The following CEP43 variants were observed in gnomAD, a reference collection of about 807,000 sequenced individuals.
CEP43 encodes the protein centrosomal protein 43.
In CEP43, 36 loss-of-function variants were observed where a neutral mutation model predicts 52.6. The observed-to-expected ratio is 0.68, with a 90% CI of 0.52 to 0.90. The LOEUF (loss-of-function observed/expected upper bound fraction) is 0.90, where lower values mean the gene tolerates loss of function less well. CEP43 is among the 40% of genes least tolerant of loss of function. The probability of loss-of-function intolerance (pLI) is 0.00; values close to 1 mark genes in which losing one functional copy is unlikely to be tolerated. For synonymous variants in CEP43, 192 were observed against 172.4 expected, an observed-to-expected ratio of 1.11 and a Z score of -0.89; for missense variants, 506 against 472.8, an observed-to-expected ratio of 1.07 and a Z score of -0.65.
chr6:167,023,510 C>A (rs1780286070), intron 8 of CEP43, among the ~76,000 whole-genome samples: 1 of 152,196 alleles, frequency 6.6e-6, no homozygotes, highest in Non-Finnish European at 1.5e-5. Flanking sequence ...GCCCCTGTTG[C>A]TGTGCTAAGT....
At chr6:167,016,178 T>C (rs1264792608) in intron 7 of CEP43, among the ~76,000 whole-genome samples, 1 of 152,246 alleles carries the variant, frequency 6.6e-6, no homozygotes, top group African/African-American at 2.4e-5. Context: ...TTTTTGTTTT[T>C]AATATTTAGA....
chr6:167,009,782 G>A (rs1779945055), intron 5 of CEP43, among the ~76,000 whole-genome samples: 1 of 151,924 alleles, frequency 6.6e-6, no homozygotes, highest in South Asian at 2.1e-4. Context: ...ATTGCAGTGA[G>A]CCGAGATCGC....
At chr6:167,031,531 C>CT (rs1393756818) in intron 10 of CEP43, among the ~76,000 whole-genome samples, 4 of 152,218 alleles carry the variant, frequency 2.6e-5, no homozygotes, top group Non-Finnish European at 5.9e-5. Flanking sequence ...ATTACATTGT[C>CT]TAACTGTCTG....
In CEP43 at chr6:167,004,334, G is replaced by A. The variant is rs913001256; in HGVS notation, c.371G>A (p.Gly124Asp). 1 of 1,612,176 alleles carries A rather than the reference G, an allele frequency of 6.2e-7. No individual in the cohort carries two copies. The change falls in exon 5 of 13, where the codon GGT becomes GAT. Residue 124 changes from glycine (G) to aspartate (D), a missense_variant. Physicochemically the swap from Gly to Asp is moderately conservative, Grantham distance 94. Transcript: ENST00000366847. ...ATAATTGAAGCAGAAGGTACTGTGG[G>A]TGGACCCTTATTATTAGAAGTGATC... is the stretch of plus-strand genomic sequence containing the variant. ...LGIIEAEGTV[G>D]GPLLLEVIRR...
chr6:167,042,327 G>GTT lies in CEP43; in HGVS notation c.*2352_*2353dup, dbSNP rs749765659. Reference sequence around the variant, plus strand: ...TAAATACATTTTTATGGTAACCTATGTTTTACAGTGGAGTTTTAAAAATGC... The same window carrying GTT: ...TAAATACATTTTTATGGTAACCTATGTTTTTTACAGTGGAGTTTTAAAAATGC... On this transcript the variant is annotated 3_prime_UTR_variant, in exon 13 of 13. Coordinates refer to ENST00000366847, the MANE Select transcript of CEP43 (RefSeq NM_007045.4). 3.0e-6 allele frequency: 3 copies of GTT among 983,996 alleles called. No individual in the cohort carries two copies. In the South Asian group the frequency reaches 1.4e-4, roughly 47 times the overall value. The allele number at this position is 983,996 out of a possible 1,614,324, so 61.0% of individuals were successfully genotyped here.
chr6:167,047,400 AAGTTATTTAATATC>A lies in CEP43; in HGVS notation c.*7426_*7439del, dbSNP rs61515295. On this transcript the variant is annotated 3_prime_UTR_variant, in exon 13 of 13. Transcript: ENST00000366847. ...GCAACTTGGCTGAGTGATGTTGGGC[AAGTTATTTAATATC>A]AGTATTCTCAGTTTTCTCATCTGTA... The A allele has an allele frequency of 0.38, 58,221 of 152,020 alleles. 11,222 individuals are homozygous for A. Among genetic ancestry groups the A allele is most frequent in the Middle Eastern group, 0.45 (131 of 294 alleles). The allele number at this position is 152,020 out of a possible 1,614,324, so 9.4% of individuals were successfully genotyped here. A position where few individuals can be genotyped will look rare whatever the true frequency, so the allele number is the denominator to read the frequency against.
intron 12 of CEP43, chr6:167,036,877 G>A: frequency 1.9e-6 from 1 of 531,670 alleles, no homozygotes; most frequent in Non-Finnish European, 2.4e-6. Flanking sequence ...GCTGGATCTT[G>A]GCTCATTGCA....
chr6:167,035,018 C>T (rs998434125), intron 12 of CEP43, among the ~76,000 whole-genome samples: 3 of 152,118 alleles, frequency 2.0e-5, no homozygotes, highest in African/African-American at 2.4e-5. Flanking sequence ...GGAGAGGACT[C>T]GAAGAAATGA....
chr6:167,040,282 G>T lies in CEP43; in HGVS notation c.*304G>T. ...ATGAAAACATCAGTGTTAAGAGCATGATGAAAGGTGTCAATAAAGCCGTAG... is the reference window on the plus strand; with the variant it reads ...ATGAAAACATCAGTGTTAAGAGCATTATGAAAGGTGTCAATAAAGCCGTAG... On this transcript the variant is annotated 3_prime_UTR_variant, in exon 13 of 13. Coordinates refer to ENST00000366847, the MANE Select transcript of CEP43 (RefSeq NM_007045.4). 1 of 1,469,274 alleles carries T rather than the reference G, an allele frequency of 6.8e-7. No homozygotes were observed. Among genetic ancestry groups the T allele is most frequent in the Non-Finnish European group, 8.9e-7 (1 of 1,120,170 alleles). The allele number at this position is 1,469,274 out of a possible 1,614,324, so 91.0% of individuals were successfully genotyped here.
Position 167,041,844 on chromosome 6 carries a change from G to GCGC in CEP43, c.*1866_*1867insCGC. 4 of 144,934 alleles carry GCGC rather than the reference G, an allele frequency of 2.8e-5. No individual in the cohort carries two copies. The highest frequency in any genetic ancestry group is 5.0e-5 in the Non-Finnish European group (4 of 80,404). 9.0% of individuals were successfully genotyped at this position (144,934 alleles called of 1,614,324 possible). On this transcript the variant is annotated 3_prime_UTR_variant, in exon 13 of 13. Coordinates refer to ENST00000366847, the MANE Select transcript of CEP43 (RefSeq NM_007045.4). ...TCTTTTTTTTGCGGGGGGCGGGGGG[G>GCGC]ACAGAGTCTCACTGTGTCACTCAGA...
At chr6:167,006,632 A>G (rs1221297779) in intron 5 of CEP43, among the ~76,000 whole-genome samples, 1 of 152,260 alleles carries the variant, frequency 6.6e-6, no homozygotes, top group Non-Finnish European at 1.5e-5. Context: ...TTTGAAGTAC[A>G]TAAGTTATAT....
In CEP43 at chr6:167,048,804, A is replaced by G. The variant is rs910980956; in HGVS notation, c.*8826A>G. The G allele has an allele frequency of 6.6e-6, 1 of 152,260 alleles. No individual in the cohort carries two copies. Among genetic ancestry groups the G allele is most frequent in the African/African-American group, 2.4e-5 (1 of 41,464 alleles). 9.4% of individuals were successfully genotyped at this position (152,260 alleles called of 1,614,324 possible). A position where few individuals can be genotyped will look rare whatever the true frequency, so the allele number is the denominator to read the frequency against. On this transcript the variant is annotated 3_prime_UTR_variant, in exon 13 of 13. Transcript: ENST00000366847. Reference sequence around the variant, plus strand: ...AAATTGGTTAATGAATGTCATTGAAAGAGCATGTACATCACTAAATGTTCT... The same window carrying G: ...AAATTGGTTAATGAATGTCATTGAAGGAGCATGTACATCACTAAATGTTCT...
intron 12 of CEP43, among the ~76,000 whole-genome samples, chr6:167,035,859 G>A (rs892592886): frequency 1.8e-4 from 27 of 152,108 alleles, no homozygotes; most frequent in African/African-American, 6.0e-4. Flanking sequence ...GAGCCACCGC[G>A]CCCAGCAAGT....
chr6:167,046,845 A>G lies in CEP43; in HGVS notation c.*6867A>G, dbSNP rs1379744986. 6.6e-6 allele frequency: 1 copy of G among 152,222 alleles called. No individual in the cohort carries two copies. The highest frequency in any genetic ancestry group is 2.4e-5 in the African/African-American group (1 of 41,450). The allele number at this position is 152,222 out of a possible 1,614,324, so 9.4% of individuals were successfully genotyped here. A position where few individuals can be genotyped will look rare whatever the true frequency, so the allele number is the denominator to read the frequency against. ...CATTCTGGCTCCAGAGCTCCCTGAG[A>G]GCTTGCCTGGCAAGTTACTCTTGCA... On this transcript the variant is annotated 3_prime_UTR_variant, in exon 13 of 13. Coordinates refer to ENST00000366847, the MANE Select transcript of CEP43 (RefSeq NM_007045.4).
chr6:167,001,720 G>GTGTC (rs1562521862), intron 2 of CEP43, among the ~76,000 whole-genome samples: 1 of 152,188 alleles, frequency 6.6e-6, no homozygotes, highest in East Asian at 1.9e-4. Flanking sequence ...ACCTGGCTCT[G>GTGTC]TGTCTGTCAG....
intron 5 of CEP43, among the ~76,000 whole-genome samples, chr6:167,009,519 A>C (rs1254860474): frequency 6.7e-6 from 1 of 150,022 alleles, no homozygotes; most frequent in Admixed American, 6.6e-5. Flanking sequence ...AAAAAAAAAA[A>C]AAAAAAAAAA....
intron 7 of CEP43, among the ~76,000 whole-genome samples, chr6:167,015,877 AAAAAT>A (rs1211976583): frequency 2.0e-5 from 3 of 152,190 alleles, no homozygotes; most frequent in Non-Finnish European, 2.9e-5. Flanking sequence ...CAATAAAGAT[AAAAAT>A]AAAATAAAGA....
intron 5 of CEP43, among the ~76,000 whole-genome samples, chr6:167,009,242 A>G (rs1337068719): frequency 3.3e-5 from 5 of 151,738 alleles, no homozygotes; most frequent in African/African-American, 1.2e-4. Context: ...AATACAAAAA[A>G]TTGGCCAGGT....
intron 12 of CEP43, chr6:167,036,786 C>T (rs940123222): frequency 4.3e-5 from 42 of 984,334 alleles, no homozygotes; most frequent in African/African-American, 7.0e-5. Flanking sequence ...GCATGAAAGC[C>T]GCCTTTATTA....
Sources: gnomAD v4.1 joint callset for allele counts (sites outside exome capture counted in the v4.1 genomes callset) on GRCh38, gnomAD v4.1.1 for gene constraint, MANE v1.5 for transcripts, NCBI Gene and HGNC (gene_info 2026-07-23, HGNC 2026-07-21) for gene names.